The following RNF213 variants were observed in gnomAD, a reference collection of about 807,000 sequenced individuals.
RNF213 encodes ring finger protein 213.
RNF213 carries 341 observed loss-of-function variants against 514.4 expected under a neutral mutation model. That is an observed-to-expected ratio of 0.66 (90% CI 0.61 to 0.73). The LOEUF (loss-of-function observed/expected upper bound fraction) is 0.73, where lower values mean the gene tolerates loss of function less well. Ranked by LOEUF, RNF213 falls within the 30% of genes least tolerant of loss-of-function variation. The pLI, the probability that RNF213 is intolerant of heterozygous loss-of-function variation, is 0.00. For missense variants in RNF213, 5,767 were observed against 6,615.6 expected (o/e 0.87, Z 4.45); for synonymous variants, 2,655 against 2,658.2 (o/e 1.00, Z 0.04).
At chr17:80,276,219 G>A (rs1258200240) in intron 3 of RNF213, among the ~76,000 whole-genome samples, 1 of 151,906 alleles carries the variant, frequency 6.6e-6, no homozygotes, top group Admixed American at 6.6e-5. Context: ...TCCTGCCTCA[G>A]CCTCCCAGCT....
rs767801568 is a variant in RNF213, at chr17:80,306,419, C to T, written c.2378C>T (p.Ser793Leu). The T allele has an allele frequency of 1.1e-5, 17 of 1,614,030 alleles. No individual in the cohort carries two copies. Among genetic ancestry groups the T allele is most frequent in the Admixed American group, 1.7e-5 (1 of 59,996 alleles). ...CCTGCTCATATCCTGGACTGTCTTTCAGGGATTTACTACCGGCTTCCGGGA... is the reference window on the plus strand; with the variant it reads ...CCTGCTCATATCCTGGACTGTCTTTTAGGGATTTACTACCGGCTTCCGGGA... Reference protein sequence around the residue: ...RFPAHILDCLSGIYYRLPGLE... With the variant: ...RFPAHILDCLLGIYYRLPGLE... Residue 793 changes from serine (S) to leucine (L), a missense_variant, in exon 12 of 68, where the codon TCA becomes TTA. Ser to Leu is a moderately radical substitution (Grantham distance 145). Coordinates refer to ENST00000582970, the MANE Select transcript of RNF213 (RefSeq NM_001256071.3).
At chr17:80,381,108 C>A in intron 56 of RNF213, 121 bp downstream of exon 56, 2 of 1,029,656 alleles carry the variant, frequency 1.9e-6, no homozygotes, top group Non-Finnish European at 1.5e-6. Flanking sequence ...AATTAGTCTA[C>A]AAAGTAATAT....
intron 3 of RNF213, among the ~76,000 whole-genome samples, chr17:80,278,530 G>A (rs1041421490): frequency 5.3e-5 from 8 of 152,206 alleles, no homozygotes; most frequent in African/African-American, 9.6e-5. Context: ...CTCCTCTTAC[G>A]TGGACTTGTC....
intron 61 of RNF213, 147 bp downstream of exon 61, chr17:80,385,768 C>G: frequency 4.1e-6 from 3 of 737,754 alleles, no homozygotes; most frequent in South Asian, 3.0e-5. Context: ...TGTCGCCAGG[C>G]TGGAGTGCAG....
intron 42 of RNF213, among the ~76,000 whole-genome samples, chr17:80,366,770 T>C (rs867076525): frequency 4.6e-5 from 7 of 152,228 alleles, no homozygotes; most frequent in Admixed American, 3.3e-4. Flanking sequence ...ATAAAATTAT[T>C]TGGAAAGAAA....
intron 63 of RNF213, among the ~76,000 whole-genome samples, chr17:80,388,211 G>A (rs183069352): frequency 4.3e-4 from 65 of 152,272 alleles, no homozygotes; most frequent in African/African-American, 1.5e-3. Flanking sequence ...TGATCTGCCC[G>A]TCTCTGCCTC....
chr17:80,327,981 G>A lies in RNF213; in HGVS notation c.3359G>A (p.Trp1120Ter). 1.3e-6 allele frequency: 2 copies of A among 1,537,274 alleles called. No homozygotes were observed. The highest frequency in any genetic ancestry group is 1.7e-6 in the Non-Finnish European group (2 of 1,146,906). The change falls in exon 19 of 68, where the codon TGG (tryptophan) becomes TAG (stop). Residue 1120 changes from tryptophan (W) to a stop codon, truncating the protein, a stop_gained. Transcript: ENST00000582970. LOFTEE classifies it high-confidence loss of function. ...CACAAGAATCAGTTTCTTGACATCT[G>A]GCAACTGAGTAAGCATCGAGTCGAT... ...IKHKNQFLDI[W>*]QLREKSLSPQ...
In RNF213 at chr17:80,397,299, C is replaced by T. The variant is rs1055234772; in HGVS notation, c.*3801C>T. On this transcript the variant is annotated 3_prime_UTR_variant, in exon 68 of 68. Transcript: ENST00000582970. ...CTCGACCTCTCTAAGCTTCAGTTTC[C>T]TCGTCTGTGAAATATCTGTCAGTGC... The T allele has an allele frequency of 1.3e-5, 2 of 152,142 alleles. No homozygotes were observed. The highest frequency in any genetic ancestry group is 1.5e-5 in the Non-Finnish European group (1 of 68,032). The allele number at this position is 152,142 out of a possible 1,614,324, so 9.4% of individuals were successfully genotyped here.
At chr17:80,390,735 A>G (rs1013458259) in intron 67 of RNF213, among the ~76,000 whole-genome samples, 1 of 152,140 alleles carries the variant, frequency 6.6e-6, no homozygotes, top group Non-Finnish European at 1.5e-5. Context: ...CAAGTAGACT[A>G]TGTCAAAGAG....
chr17:80,291,355 C>G (rs1465924065), intron 7 of RNF213, among the ~76,000 whole-genome samples: 1 of 149,908 alleles, frequency 6.7e-6, no homozygotes, highest in East Asian at 2.0e-4. Context: ...CCTGGGCCAT[C>G]ATGCCCAGCT....
intron 36 of RNF213, among the ~76,000 whole-genome samples, chr17:80,357,973 G>C (rs1453491356): frequency 6.6e-6 from 1 of 152,200 alleles, no homozygotes; most frequent in Non-Finnish European, 1.5e-5. Context: ...GCGTGACAGA[G>C]TGAGACCCTC....
At chr17:80,319,540 G>T (rs1203548716) in intron 17 of RNF213, 2 of 1,611,948 alleles carry the variant, frequency 1.2e-6, no homozygotes, top group African/African-American at 1.3e-5. Context: ...TCCTGCATGT[G>T]TTCCATATGG....
chr17:80,327,807 T>G lies in RNF213; in HGVS notation c.3194-9T>G. On this transcript the variant is annotated splice_polypyrimidine_tract_variant and intron_variant, in intron 18 of 67. Transcript: ENST00000582970. ...CCCACTGTGTTAACTGTGTTCTTCATCTATTCAGGAACCGACGAGAAAATA... is the reference window on the plus strand; with the variant it reads ...CCCACTGTGTTAACTGTGTTCTTCAGCTATTCAGGAACCGACGAGAAAATA... The G allele has an allele frequency of 6.5e-7, 1 of 1,532,428 alleles. No homozygotes were observed. The highest frequency in any genetic ancestry group is 8.7e-7 in the Non-Finnish European group (1 of 1,143,172). The allele number at this position is 1,532,428 out of a possible 1,614,324, so 94.9% of individuals were successfully genotyped here.
Position 80,393,827 on chromosome 17 carries a change from G to T in RNF213, c.*329G>T. 3.0e-6 allele frequency: 1 copy of T among 334,542 alleles called. No individual in the cohort carries two copies. Among genetic ancestry groups the T allele is most frequent in the South Asian group, 2.7e-5 (1 of 37,218 alleles). The allele number at this position is 334,542 out of a possible 1,614,324, so 20.7% of individuals were successfully genotyped here. ...GACTTGTAGCTCAGCCACACACGCA[G>T]TAATGACCTGTGCCCGTTCGCCTCT... On this transcript the variant is annotated 3_prime_UTR_variant, in exon 68 of 68. Coordinates refer to ENST00000582970, the MANE Select transcript of RNF213 (RefSeq NM_001256071.3).
intron 26 of RNF213, chr17:80,341,925 G>A (rs2078165430): frequency 1.3e-5 from 2 of 152,204 alleles, no homozygotes; most frequent in Admixed American, 1.3e-4. Flanking sequence ...TCCTGCCTCA[G>A]CCTCCTGAGT....
In RNF213 at chr17:80,306,279, G is replaced by A. The variant is rs752271884; in HGVS notation, c.2238G>A (p.Glu746=). The part of the protein sequence containing the change: ...DTSSLLQFMR[E]KQHLLSIDEP... ...GTTCCCTACTTCAGTTTATGAGAGA[G>A]AAGCAGCATTTGCTGAGCATAGACG... The change falls in exon 12 of 68, where the codon GAG becomes GAA. Residue 746 remains glutamate (E), a synonymous_variant. Transcript: ENST00000582970. 1.9e-6 allele frequency: 3 copies of A among 1,614,144 alleles called. No homozygotes were observed. In the East Asian group the frequency reaches 6.7e-5, roughly 36 times the overall value.
At chr17:80,372,833 G>C (rs2079570198) in intron 48 of RNF213, 99 bp downstream of exon 48, 22 of 1,388,930 alleles carry the variant, frequency 1.6e-5, no homozygotes, top group Non-Finnish European at 2.0e-5. Flanking sequence ...GACTACTACT[G>C]GGCTTTTCTA....
chr17:80,393,361 G>A lies in RNF213; in HGVS notation c.15487G>A (p.Val5163Ile), dbSNP rs201733659. The stretch of plus-strand genomic sequence containing the variant: ...GTTTTTCAGCCTGAGAGACACTCTC[G>A]TAAGTTACATGCAAACTAAAGAAAG... ...RPQWSLRDTL[V>I]SYMQTKESEI... The change falls in exon 68 of 68, where the codon GTA becomes ATA. Residue 5163 changes from valine to isoleucine, a missense_variant. Coordinates refer to ENST00000582970, the MANE Select transcript of RNF213 (RefSeq NM_001256071.3). The A allele has an allele frequency of 3.4e-4, 554 of 1,613,906 alleles. No homozygotes were observed. Among genetic ancestry groups the A allele is most frequent in the Non-Finnish European group, 4.3e-4 (504 of 1,180,000 alleles).
At chr17:80,292,149 A>G (rs2044754068) in intron 8 of RNF213, 1 of 402,902 alleles carries the variant, frequency 2.5e-6, no homozygotes, top group Admixed American at 3.6e-5. Flanking sequence ...CAGTGGTGCG[A>G]TCTCGGCTCA....
Sources: gnomAD v4.1 joint callset for allele counts (sites outside exome capture counted in the v4.1 genomes callset) on GRCh38, gnomAD v4.1.1 for gene constraint, MANE v1.5 for transcripts, NCBI Gene and HGNC (gene_info 2026-07-23, HGNC 2026-07-21) for gene names.